Variants in PPFIA1 observed in about 807,000 individuals in gnomAD.
The protein encoded by PPFIA1 is PPFI scaffold protein A1.
In PPFIA1, 25 loss-of-function variants were observed where a neutral mutation model predicts 149.9. The observed-to-expected ratio is 0.17, with a 90% CI of 0.12 to 0.23. The LOEUF (loss-of-function observed/expected upper bound fraction) is 0.23. Among genes scored for constraint, PPFIA1 ranks in the 10% least tolerant of loss-of-function variants. The pLI is 1.00. For synonymous variants in PPFIA1, 549 were observed against 552.8 expected, an observed-to-expected ratio of 0.99 and a Z score of 0.10; for missense variants, 1,362 against 1,506.5, an observed-to-expected ratio of 0.90 and a Z score of 1.59.
chr11:70,359,464 G>A (rs1245539213), intron 19 of PPFIA1, among the ~76,000 whole-genome samples: 2 of 152,288 alleles, frequency 1.3e-5, no homozygotes, highest in East Asian at 3.9e-4. Flanking sequence ...TACTTGTGGT[G>A]GTGGTGTTTT....
intron 16 of PPFIA1, among the ~76,000 whole-genome samples, chr11:70,351,517 TTGCATTAC>T (rs757173895): frequency 1.3e-5 from 2 of 152,206 alleles, no homozygotes; most frequent in Non-Finnish European, 2.9e-5. Flanking sequence ...TTTGAAATAT[TTGCATTAC>T]ACTTACTAGT....
At chr11:70,289,028 C>T (rs1045630820) in intron 2 of PPFIA1, among the ~76,000 whole-genome samples, 3 of 144,352 alleles carry the variant, frequency 2.1e-5, no homozygotes, top group East Asian at 2.0e-4. Flanking sequence ...GGTGCAATGG[C>T]GCCATCTCAG....
chr11:70,332,502 T>G (rs1361622054), intron 9 of PPFIA1, among the ~76,000 whole-genome samples: 2 of 152,158 alleles, frequency 1.3e-5, no homozygotes, highest in African/African-American at 2.4e-5. Flanking sequence ...ATTTTATTAT[T>G]TTGAAATTAC....
chr11:70,348,869 TCAAAA>T (rs1020187077), intron 16 of PPFIA1, among the ~76,000 whole-genome samples: 1 of 152,098 alleles, frequency 6.6e-6, no homozygotes, highest in African/African-American at 2.4e-5. Flanking sequence ...AGACCCTGTC[TCAAAA>T]CAAATCCCAA....
chr11:70,302,005 C>CT (rs1228627861), intron 2 of PPFIA1, among the ~76,000 whole-genome samples: 4 of 152,228 alleles, frequency 2.6e-5, no homozygotes, highest in African/African-American at 9.6e-5. Context: ...TGGGCACAGC[C>CT]TTTCAGCTGG....
At chr11:70,297,870 G>A (rs2052186626) in intron 2 of PPFIA1, among the ~76,000 whole-genome samples, 1 of 152,158 alleles carries the variant, frequency 6.6e-6, no homozygotes, top group Non-Finnish European at 1.5e-5. Flanking sequence ...CTCAAGAGTG[G>A]ACCATTTCCC....
At chr11:70,307,104 A>G (rs1267134985) in intron 2 of PPFIA1, among the ~76,000 whole-genome samples, 1 of 152,388 alleles carries the variant, frequency 6.6e-6, no homozygotes, top group East Asian at 1.9e-4. Flanking sequence ...ATAACACACC[A>G]GGGTGGTAAG....
intron 15 of PPFIA1, chr11:70,345,968 C>T (rs977550360): frequency 8.8e-6 from 4 of 455,298 alleles, no homozygotes; most frequent in Middle Eastern, 3.3e-4. Context: ...TGTTCCTTTC[C>T]CTGTGTGAAG....
intron 9 of PPFIA1, 90 bp from the exon 10 acceptor site, chr11:70,333,380 C>T (rs1421787338): frequency 6.3e-6 from 6 of 957,004 alleles, no homozygotes; most frequent in Admixed American, 5.9e-5. Flanking sequence ...CCACGCAGAG[C>T]ATGTTGTGCC....
At chr11:70,352,057 G>A (rs900125967) in intron 16 of PPFIA1, among the ~76,000 whole-genome samples, 2 of 152,100 alleles carry the variant, frequency 1.3e-5, no homozygotes, top group Non-Finnish European at 1.5e-5. Context: ...TTTGAAACCC[G>A]CCTGATGGTG....
At chr11:70,290,950 A>G (rs1487505454) in intron 2 of PPFIA1, among the ~76,000 whole-genome samples, 1 of 152,192 alleles carries the variant, frequency 6.6e-6, no homozygotes, top group Non-Finnish European at 1.5e-5. Flanking sequence ...TAGTGGCACA[A>G]TCTTGGCTTA....
At chr11:70,317,060 C>G (rs2053676803) in intron 2 of PPFIA1, among the ~76,000 whole-genome samples, 1 of 152,160 alleles carries the variant, frequency 6.6e-6, no homozygotes, top group African/African-American at 2.4e-5. Flanking sequence ...ATTATTGCAT[C>G]TATTCTATTT....
intron 21 of PPFIA1, chr11:70,371,315 T>A (rs909552984): frequency 9.9e-6 from 1 of 101,160 alleles, no homozygotes; most frequent in Non-Finnish European, 2.2e-5. Flanking sequence ...ATACAGACAT[T>A]AAAAGCATAT....
intron 21 of PPFIA1, among the ~76,000 whole-genome samples, chr11:70,366,550 CA>C (rs2056950108): frequency 6.6e-6 from 1 of 152,202 alleles, no homozygotes; most frequent in South Asian, 2.1e-4. Flanking sequence ...AACTGTTTTG[CA>C]TTCTGTATGT....
chr11:70,333,006 C>T (rs770721703), intron 9 of PPFIA1: 2 of 456,262 alleles, frequency 4.4e-6, no homozygotes, highest in Non-Finnish European at 8.8e-6. Context: ...TTTCCTGTCC[C>T]TTGTCGGCTT....
At chr11:70,274,880 C>T (rs555262966) in intron 2 of PPFIA1, among the ~76,000 whole-genome samples, 5 of 152,130 alleles carry the variant, frequency 3.3e-5, no homozygotes, top group Non-Finnish European at 7.4e-5. Context: ...CACCACCCTC[C>T]GCTAATTTTT....
At chr11:70,321,659 A>G (rs537407861) in intron 2 of PPFIA1, among the ~76,000 whole-genome samples, 12 of 152,356 alleles carry the variant, frequency 7.9e-5, no homozygotes, top group Admixed American at 7.8e-4. Flanking sequence ...AATCTAGTAA[A>G]TGAAAAGGAT....
chr11:70,336,379 G>T (rs1258708695), intron 11 of PPFIA1, among the ~76,000 whole-genome samples: 1 of 152,050 alleles, frequency 6.6e-6, no homozygotes, highest in Non-Finnish European at 1.5e-5. Context: ...GCACCCGCCT[G>T]TAGTCCCAGC....
intron 10 of PPFIA1, among the ~76,000 whole-genome samples, chr11:70,335,242 C>G (rs1037999081): frequency 1.3e-5 from 2 of 152,198 alleles, no homozygotes; most frequent in Non-Finnish European, 2.9e-5. Flanking sequence ...AGCGTGGAGA[C>G]AGGCTCATCC....
Sources: gnomAD v4.1 joint callset for allele counts (sites outside exome capture counted in the v4.1 genomes callset) on GRCh38, gnomAD v4.1.1 for gene constraint, MANE v1.5 for transcripts, NCBI Gene and HGNC (gene_info 2026-07-23, HGNC 2026-07-21) for gene names.